MBNL2: variants seen among roughly 807,000 people sequenced by gnomAD.
The protein encoded by MBNL2 is muscleblind like splicing regulator 2.
Under a neutral mutation model 41.9 loss-of-function variants are expected in MBNL2, and 17 were observed. The ratio of observed to expected loss-of-function variants is 0.41; its 90% CI spans 0.28 to 0.61. The LOEUF (loss-of-function observed/expected upper bound fraction) is 0.61, where lower values mean the gene tolerates loss of function less well. Among genes scored for constraint, MBNL2 ranks in the 20% least tolerant of loss-of-function variants. MBNL2 has a pLI of 0.35. For missense variants in MBNL2, 336 were observed against 505.6 expected (o/e 0.66, Z 3.22); for synonymous variants, 195 against 182.9 (o/e 1.07, Z -0.53).
rs559185441 is a variant in MBNL2 at position 97,341,072 on chromosome 13, T to C, written c.340-1944T>C. ...AATGGCAGTATGGGGGAGGGCTCTT[T>C]TATCTAAATGTTTACGTTGATAGTC... On this transcript the variant is annotated intron_variant, in intron 3 of 8. Transcript: ENST00000679496. Among the ~76,000 whole-genome samples, 29 of 152,316 alleles carry C rather than the reference T, an allele frequency of 1.9e-4. No individual in the cohort carries two copies. In the South Asian group the frequency reaches 5.6e-3, roughly 29 times the overall value.
In MBNL2 at chr13:97,392,091, T is replaced by C. The variant is rs1476933695; in HGVS notation, c.*642T>C. Reference sequence around the variant, plus strand: ...AAACAAAGTCTTGAAGGTATTATTTTACAAGTATATTTTTAAAGTTGTTTT... The same window carrying C: ...AAACAAAGTCTTGAAGGTATTATTTCACAAGTATATTTTTAAAGTTGTTTT... On this transcript the variant is annotated 3_prime_UTR_variant, in exon 9 of 9. Transcript: ENST00000679496. 1 of 152,642 alleles carries C rather than the reference T, an allele frequency of 6.6e-6. No individual in the cohort carries two copies. Among genetic ancestry groups the C allele is most frequent in the East Asian group, 1.9e-4 (1 of 5,204 alleles). 9.5% of individuals were successfully genotyped at this position (152,642 alleles called of 1,614,324 possible). A position where few individuals can be genotyped will look rare whatever the true frequency, so the allele number is the denominator to read the frequency against.
chr13:97,192,929 TTACAATTC>T, the MBNL2 span, among the ~76,000 whole-genome samples: 31 of 152,280 alleles, frequency 2.0e-4, no homozygotes, highest in Middle Eastern at 3.4e-3. Context: ...AGACGTTAGT[TTACAATTC>T]TGGGCTTTAG....
intron 5 of MBNL2, among the ~76,000 whole-genome samples, chr13:97,351,640 A>T (rs1402568548): frequency 1.3e-5 from 2 of 152,218 alleles, no homozygotes; most frequent in Non-Finnish European, 2.9e-5. Flanking sequence ...AACCTTGTGA[A>T]CCAATCTCTG....
chr13:97,337,406 G>T (rs993869490), intron 3 of MBNL2, among the ~76,000 whole-genome samples: 1 of 152,182 alleles, frequency 6.6e-6, no homozygotes, highest in South Asian at 2.1e-4. Flanking sequence ...GTCATGTGAT[G>T]AATCTCTCCT....
At chr13:97,192,157 C>A in the MBNL2 span, among the ~76,000 whole-genome samples, 1 of 152,184 alleles carries the variant, frequency 6.6e-6, no homozygotes, top group African/African-American at 2.4e-5. Context: ...AGAATAACAT[C>A]TTCAGATACT....
chr13:97,352,320 A>G (rs542213690), intron 5 of MBNL2, among the ~76,000 whole-genome samples: 1 of 152,164 alleles, frequency 6.6e-6, no homozygotes, highest in African/African-American at 2.4e-5. Context: ...AAGCTTAATC[A>G]TTTCTAGCTT....
the MBNL2 span, among the ~76,000 whole-genome samples, chr13:97,157,606 G>A: frequency 6.7e-6 from 1 of 149,314 alleles, no homozygotes; most frequent in African/African-American, 2.5e-5. Context: ...TAGCATGAAG[G>A]GTTGTTGAAT....
At chr13:97,202,542 T>C in the MBNL2 span, among the ~76,000 whole-genome samples, 2 of 152,332 alleles carry the variant, frequency 1.3e-5, no homozygotes, top group African/African-American at 4.8e-5. Context: ...TAATATGTAA[T>C]GACTGTTATT....
chr13:97,160,763 T>G, the MBNL2 span, among the ~76,000 whole-genome samples: 3 of 152,234 alleles, frequency 2.0e-5, no homozygotes, highest in African/African-American at 7.2e-5. Context: ...CTTATTAGCA[T>G]GGGTGCAGCC....
intron 2 of MBNL2, among the ~76,000 whole-genome samples, chr13:97,307,022 G>A (rs542381110): frequency 3.2e-4 from 49 of 152,156 alleles, no homozygotes; most frequent in Non-Finnish European, 6.0e-4. Flanking sequence ...TATCAATATA[G>A]CATCTTATTC....
chr13:97,367,659 T>C (rs1031753333), intron 8 of MBNL2, among the ~76,000 whole-genome samples: 1 of 151,920 alleles, frequency 6.6e-6, no homozygotes, highest in East Asian at 1.9e-4. Flanking sequence ...AATGCAGGAA[T>C]AAAAGTTAAA....
upstream of MBNL2, among the ~76,000 whole-genome samples, chr13:97,217,111 A>G (rs887043457): frequency 4.7e-5 from 7 of 148,748 alleles, no homozygotes; most frequent in African/African-American, 1.7e-4. Context: ...TATCATATAC[A>G]GTATGCATAT....
At chr13:97,331,687 G>A (rs2060453278) in intron 2 of MBNL2, among the ~76,000 whole-genome samples, 1 of 152,086 alleles carries the variant, frequency 6.6e-6, no homozygotes, top group South Asian at 2.1e-4. Flanking sequence ...TGTAAAAATA[G>A]GGATCATTAC....
chr13:97,382,137 G>T (rs912671227), intron 8 of MBNL2, among the ~76,000 whole-genome samples: 1 of 152,088 alleles, frequency 6.6e-6, no homozygotes, highest in African/African-American at 2.4e-5. Context: ...TTTAGTAGAG[G>T]AATTTATCCT....
chr13:97,321,279 C>T (rs568968297), intron 2 of MBNL2, among the ~76,000 whole-genome samples: 8 of 152,262 alleles, frequency 5.3e-5, no homozygotes, highest in Non-Finnish European at 1.0e-4. Flanking sequence ...CAGCTAGTCC[C>T]GGAAACCCCC....
chr13:97,300,323 C>T (rs1440973213), intron 2 of MBNL2, among the ~76,000 whole-genome samples: 1 of 152,146 alleles, frequency 6.6e-6, no homozygotes, highest in African/African-American at 2.4e-5. Flanking sequence ...GGACAGCTAA[C>T]TATCTTCTTC....
intron 2 of MBNL2, among the ~76,000 whole-genome samples, chr13:97,295,320 A>G (rs542754410): frequency 8.0e-4 from 122 of 151,714 alleles, no homozygotes; most frequent in Non-Finnish European, 1.5e-3. Flanking sequence ...ACTGTCTTTT[A>G]AAGTTTTTTT....
At chr13:97,176,085 G>A in the MBNL2 span, among the ~76,000 whole-genome samples, 1 of 152,256 alleles carries the variant, frequency 6.6e-6, no homozygotes, top group Non-Finnish European at 1.5e-5. Flanking sequence ...TCCTCTAAAA[G>A]TAAACACATG....
At chr13:97,262,727 A>G (rs1460038678) in intron 1 of MBNL2, among the ~76,000 whole-genome samples, 2 of 151,066 alleles carry the variant, frequency 1.3e-5, no homozygotes, top group Non-Finnish European at 2.9e-5. Flanking sequence ...CCTTCTGCAC[A>G]CACAGGACCC....
Sources: gnomAD v4.1 joint callset for allele counts (sites outside exome capture counted in the v4.1 genomes callset) on GRCh38, gnomAD v4.1.1 for gene constraint, MANE v1.5 for transcripts, NCBI Gene and HGNC (gene_info 2026-07-23, HGNC 2026-07-21) for gene names.